The following ZBTB20 variants were observed in gnomAD, a reference collection of about 807,000 sequenced individuals.
The protein encoded by ZBTB20 is zinc finger and BTB domain-containing protein 20.
In ZBTB20, 9 loss-of-function variants were observed where a neutral mutation model predicts 56.9. The ratio of observed to expected loss-of-function variants is 0.16; its 90% CI spans 0.10 to 0.28. The LOEUF is 0.28. ZBTB20 is among the 10% of genes least tolerant of loss of function. The pLI is 1.00. For missense variants in ZBTB20, 655 were observed against 1,003.0 expected, an observed-to-expected ratio of 0.65 and a Z score of 4.69; for synonymous variants, 417 against 420.7, an observed-to-expected ratio of 0.99 and a Z score of 0.11.
intron 1 of ZBTB20, among the ~76,000 whole-genome samples, chr3:115,127,537 TA>T (rs2084368437): frequency 6.6e-6 from 1 of 152,120 alleles, no homozygotes; most frequent in Admixed American, 6.6e-5. Context: ...GGGATTGCAG[TA>T]AGCTGAGATC....
chr3:115,097,202 C>T (rs1367998890), intron 1 of ZBTB20, among the ~76,000 whole-genome samples: 6 of 152,160 alleles, frequency 3.9e-5, no homozygotes, highest in Non-Finnish European at 8.8e-5. Flanking sequence ...TGTTTTGAGA[C>T]GTAGTCTCGC....
chr3:114,997,896 G>A (rs554061959), intron 2 of ZBTB20, among the ~76,000 whole-genome samples: 1 of 147,498 alleles, frequency 6.8e-6, no homozygotes, highest in Non-Finnish European at 1.5e-5. Flanking sequence ...AATGTAGTCT[G>A]CTGGGGAGAA....
At chr3:114,793,446 C>T (rs758463738) in intron 5 of ZBTB20, among the ~76,000 whole-genome samples, 2 of 151,934 alleles carry the variant, frequency 1.3e-5, no homozygotes, top group Admixed American at 6.6e-5. Flanking sequence ...GGCACAGACA[C>T]AGTAAATCAA....
At chr3:114,393,977 T>A (rs2086115585) in intron 7 of ZBTB20, among the ~76,000 whole-genome samples, 1 of 152,164 alleles carries the variant, frequency 6.6e-6, no homozygotes, top group Non-Finnish European at 1.5e-5. Context: ...GTAAGGAACT[T>A]TCTGCAGATG....
intron 4 of ZBTB20, among the ~76,000 whole-genome samples, chr3:114,853,709 A>G (rs1026671530): frequency 3.9e-5 from 6 of 152,196 alleles, no homozygotes; most frequent in Non-Finnish European, 5.9e-5. Flanking sequence ...TCTAAACTAA[A>G]CTTTAGACTA....
rs1353493679 is a variant in ZBTB20 at position 115,086,809 on chromosome 3, T to G, written c.-702-15395A>C. Among the ~76,000 whole-genome samples, 5 of 151,850 alleles carry G rather than the reference T, an allele frequency of 3.3e-5. No individual in the cohort carries two copies. The South Asian group carries it at 1.0e-3, about 31-fold the overall frequency. The stretch of plus-strand genomic sequence containing the variant: ...TGATGGCATCACTTCTAAGTTCTGT[T>G]GCATATTCAGTTAGTCAGCTCTGGT... On this transcript the variant is annotated intron_variant, in intron 1 of 11. Transcript: ENST00000675478.
chr3:114,963,887 T>C (rs1194357511), intron 3 of ZBTB20, among the ~76,000 whole-genome samples: 3 of 152,146 alleles, frequency 2.0e-5, no homozygotes, highest in African/African-American at 7.2e-5. Flanking sequence ...AATCAGATAG[T>C]AAGCCGAGGG....
At chr3:115,045,475 A>C (rs915157704) in intron 2 of ZBTB20, among the ~76,000 whole-genome samples, 2 of 152,008 alleles carry the variant, frequency 1.3e-5, no homozygotes, top group Non-Finnish European at 2.9e-5. Flanking sequence ...TAAAAATACA[A>C]AGAAACTACA....
At chr3:114,605,820 A>G (rs1387701225) in intron 6 of ZBTB20, among the ~76,000 whole-genome samples, 2 of 152,070 alleles carry the variant, frequency 1.3e-5, no homozygotes, top group South Asian at 2.1e-4. Flanking sequence ...GATTCTAGGT[A>G]TAGGTAACAG....
chr3:114,886,216 T>A (rs1003672146), intron 4 of ZBTB20, among the ~76,000 whole-genome samples: 3 of 152,222 alleles, frequency 2.0e-5, no homozygotes, highest in African/African-American at 4.8e-5. Context: ...TAGTCCTGTG[T>A]CAGCCATTTA....
chr3:114,861,223 A>G (rs1302721943), intron 4 of ZBTB20, among the ~76,000 whole-genome samples: 1 of 151,958 alleles, frequency 6.6e-6, no homozygotes, highest in Non-Finnish European at 1.5e-5. Flanking sequence ...TACTCTACCT[A>G]TCTCACTTTA....
chr3:114,957,836 G>A (rs6771110), intron 3 of ZBTB20, among the ~76,000 whole-genome samples: 14,002 of 152,182 alleles, frequency 0.092, 1,893 homozygotes, highest in African/African-American at 0.3. Flanking sequence ...TTGTCCTCCA[G>A]GATGAATGGA....
At chr3:114,780,933 G>A (rs1259557067) in intron 5 of ZBTB20, among the ~76,000 whole-genome samples, 2 of 152,030 alleles carry the variant, frequency 1.3e-5, no homozygotes, top group Admixed American at 1.3e-4. Flanking sequence ...CATTTACACT[G>A]TATATTACCT....
rs1282149333 is a variant in ZBTB20 at position 114,329,731 on chromosome 3, A to C, written c.*9274T>G. 2.7e-5 allele frequency: 4 copies of C among 149,016 alleles called. No homozygotes were observed. Among genetic ancestry groups the C allele is most frequent in the Non-Finnish European group, 4.5e-5 (3 of 67,110 alleles). 9.2% of individuals were successfully genotyped at this position (149,016 alleles called of 1,614,324 possible). On this transcript the variant is annotated 3_prime_UTR_variant, in exon 12 of 12. Coordinates refer to ENST00000675478, the MANE Select transcript of ZBTB20 (RefSeq NM_001348800.3). ...TTGGAAAAAAAAAAAAAAAAAAAAA[A>C]AAAAAACAACTCCCAGGAAAATGAA...
chr3:114,677,989 T>C (rs2108225416), intron 6 of ZBTB20, among the ~76,000 whole-genome samples: 1 of 152,298 alleles, frequency 6.6e-6, no homozygotes, highest in Admixed American at 6.5e-5. Flanking sequence ...ATTTTGAGTA[T>C]ATTTCTTTTT....
chr3:114,721,746 T>C (rs1315826746), intron 5 of ZBTB20, among the ~76,000 whole-genome samples: 1 of 152,162 alleles, frequency 6.6e-6, no homozygotes, highest in Non-Finnish European at 1.5e-5. Flanking sequence ...GTGGATTATA[T>C]ATGACAAGAT....
At chr3:115,011,572 C>T (rs1476839342) in intron 2 of ZBTB20, among the ~76,000 whole-genome samples, 2 of 151,746 alleles carry the variant, frequency 1.3e-5, no homozygotes, top group African/African-American at 4.8e-5. Context: ...ATCCTTCAAA[C>T]ATGAAGGAGA....
intron 6 of ZBTB20, among the ~76,000 whole-genome samples, chr3:114,591,207 T>G (rs2055729675): frequency 1.3e-5 from 2 of 152,212 alleles, no homozygotes; most frequent in Non-Finnish European, 2.9e-5. Flanking sequence ...TTGTATTCAG[T>G]ATTATCTGAA....
At chr3:114,717,194 C>A (rs1030970655) in intron 5 of ZBTB20, among the ~76,000 whole-genome samples, 6 of 152,116 alleles carry the variant, frequency 3.9e-5, no homozygotes, top group African/African-American at 9.7e-5. Flanking sequence ...GGCTAACTAA[C>A]AAGATGTGTG....
Sources: allele counts gnomAD v4.1 joint callset (sites outside exome capture counted in the v4.1 genomes callset), GRCh38; gene constraint gnomAD v4.1.1; transcripts MANE v1.5; gene names NCBI Gene and HGNC (gene_info 2026-07-23, HGNC 2026-07-21).